NAALADL2: variants seen among roughly 807,000 people sequenced by gnomAD.
The protein encoded by NAALADL2 is N-acetylated alpha-linked acidic dipeptidase like 2, also known as inactive N-acetylated-alpha-linked acidic dipeptidase-like protein 2.
In NAALADL2, 76 loss-of-function variants were observed where a neutral mutation model predicts 87.2. That is an observed-to-expected ratio of 0.87 (90% CI 0.72 to 1.05). The LOEUF (loss-of-function observed/expected upper bound fraction) is 1.05. Among genes scored for constraint, NAALADL2 ranks in the 50% least tolerant of loss-of-function variants. The pLI is 0.00. For synonymous variants in NAALADL2, 354 were observed against 331.0 expected (o/e 1.07, Z -0.75); for missense variants, 1,089 against 945.8 (o/e 1.15, Z -1.99).
intron 1 of NAALADL2, among the ~76,000 whole-genome samples, chr3:174,530,047 T>C (rs1470283122): frequency 6.6e-6 from 1 of 152,170 alleles, no homozygotes; most frequent in Non-Finnish European, 1.5e-5. Context: ...GATTTTCTTT[T>C]CTATCGCATT....
intron 1 of NAALADL2, among the ~76,000 whole-genome samples, chr3:174,521,955 C>T (rs1357760402): frequency 6.6e-6 from 1 of 151,930 alleles, no homozygotes; most frequent in East Asian, 1.9e-4. Context: ...AAAAAATAGC[C>T]AGGCGTGGTG....
chr3:175,743,161 C>A (rs1436948832), intron 12 of NAALADL2, among the ~76,000 whole-genome samples: 2 of 152,100 alleles, frequency 1.3e-5, no homozygotes, highest in African/African-American at 4.8e-5. Context: ...CCACCATGCC[C>A]AGCTAATTTT....
At chr3:175,429,220 C>T (rs1173586440) in intron 5 of NAALADL2, among the ~76,000 whole-genome samples, 1 of 115,282 alleles carries the variant, frequency 8.7e-6, no homozygotes, top group Admixed American at 9.1e-5. Context: ...CATATATATA[C>T]ATATTCCTTC....
chr3:174,485,454 CCT>C (rs1274654184), intron 1 of NAALADL2, among the ~76,000 whole-genome samples: 29 of 151,778 alleles, frequency 1.9e-4, no homozygotes, highest in African/African-American at 6.5e-4. Context: ...CACCCACCCC[CCT>C]CTCTCTGATA....
Position 175,156,196 on chromosome 3 carries a change from C to T in NAALADL2, c.545+58905C>T, listed in dbSNP as rs865850416. Among the ~76,000 whole-genome samples, 7 of 152,064 alleles carry T rather than the reference C, an allele frequency of 4.6e-5. No individual in the cohort carries two copies. The South Asian group carries it at 1.5e-3, about 32-fold the overall frequency. On this transcript the variant is annotated intron_variant, in intron 2 of 13. Coordinates refer to ENST00000454872, the MANE Select transcript of NAALADL2 (RefSeq NM_207015.3). ...GAGGGAGGAACAAATACTTATTCTT[C>T]CATATTTGAAGCTATCCCAGAACCT...
chr3:175,531,807 A>G (rs942615599), intron 9 of NAALADL2, among the ~76,000 whole-genome samples: 3 of 152,214 alleles, frequency 2.0e-5, no homozygotes, highest in Non-Finnish European at 4.4e-5. Flanking sequence ...TAAGCTTACG[A>G]TAATCCACTG....
Position 175,810,274 on chromosome 3 carries a change from G to A in NAALADL2, c.*7071G>A, listed in dbSNP as rs1444668688. 3 of 151,916 alleles carry A rather than the reference G, an allele frequency of 2.0e-5. No individual in the cohort carries two copies. The highest frequency in any genetic ancestry group is 2.1e-4 in the South Asian group (1 of 4,830). The allele number at this position is 151,916 out of a possible 1,614,324, so 9.4% of individuals were successfully genotyped here. ...CACAATTTATTTTATAACTTTTTAT[G>A]TGTTACTTACATGACTCAATATGCA... On this transcript the variant is annotated 3_prime_UTR_variant, in exon 14 of 14. Coordinates refer to ENST00000454872, the MANE Select transcript of NAALADL2 (RefSeq NM_207015.3).
intron 2 of NAALADL2, among the ~76,000 whole-genome samples, chr3:174,692,506 AGTT>A (rs1166016247): frequency 6.6e-6 from 1 of 152,042 alleles, no homozygotes. Context: ...GTAATTTTTC[AGTT>A]GTTATGGTTG....
chr3:175,011,320 G>GAGAGAT (rs1491557704), intron 1 of NAALADL2, among the ~76,000 whole-genome samples: 1 of 141,726 alleles, frequency 7.1e-6, no homozygotes, highest in African/African-American at 2.6e-5. Context: ...GAGAGAGAGA[G>GAGAGAT]ACTAATTCTG....
At chr3:175,068,620 C>A (rs1714988793) in intron 1 of NAALADL2, among the ~76,000 whole-genome samples, 1 of 152,056 alleles carries the variant, frequency 6.6e-6, no homozygotes, top group African/African-American at 2.4e-5. Flanking sequence ...TTAGGTCTTG[C>A]TATCAAGTTC....
Position 174,710,612 on chromosome 3 carries a change from A to G in NAALADL2, c.-114-27029A>G, listed in dbSNP as rs115330168. On this transcript the variant is annotated intron_variant, in intron 2 of 3. Transcript: ENST00000434257. ...CTAGTTGCAGACGAGGAAGTTAGTGATGAGGCACAAGAAAGATTTCAGGCA... is the reference window on the plus strand; with the variant it reads ...CTAGTTGCAGACGAGGAAGTTAGTGGTGAGGCACAAGAAAGATTTCAGGCA... Among the ~76,000 whole-genome samples the G allele has an allele frequency of 5.9e-3, 903 of 152,192 alleles. 11 individuals are homozygous for G. The highest frequency in any genetic ancestry group is 0.021 in the African/African-American group (854 of 41,514).
At chr3:175,508,537 A>G (rs1730669581) in intron 9 of NAALADL2, among the ~76,000 whole-genome samples, 1 of 152,106 alleles carries the variant, frequency 6.6e-6, no homozygotes, top group Admixed American at 6.6e-5. Context: ...TTTATCACCA[A>G]CATTCTACCA....
At chr3:175,762,341 A>G (rs775946019) in intron 13 of NAALADL2, among the ~76,000 whole-genome samples, 24 of 152,060 alleles carry the variant, frequency 1.6e-4, no homozygotes, top group Non-Finnish European at 2.6e-4. Context: ...CCACATTAGA[A>G]TAGCTTTCAA....
chr3:174,717,240 C>G (rs899115440), intron 2 of NAALADL2, among the ~76,000 whole-genome samples: 27 of 152,054 alleles, frequency 1.8e-4, no homozygotes, highest in African/African-American at 6.5e-4. Context: ...TGGTGACTCT[C>G]TATTTTTTTA....
chr3:175,454,152 A>G lies in NAALADL2; in HGVS notation c.1234+6780A>G, dbSNP rs74352971. 9.3e-3 allele frequency among the ~76,000 whole-genome samples: 1,418 copies of G among 152,162 alleles called. 17 individuals are homozygous for G. The highest frequency in any genetic ancestry group is 0.031 in the African/African-American group (1,302 of 41,536). On this transcript the variant is annotated intron_variant, in intron 6 of 13. Coordinates refer to ENST00000454872, the MANE Select transcript of NAALADL2 (RefSeq NM_207015.3). Reference sequence around the variant, plus strand: ...AATCTGATAGTCTTTTAATAGGAGCATTTGGTCCCTTTCATTTAATGTGAT... The same window carrying G: ...AATCTGATAGTCTTTTAATAGGAGCGTTTGGTCCCTTTCATTTAATGTGAT...
chr3:174,530,322 G>A (rs746476577), intron 1 of NAALADL2, among the ~76,000 whole-genome samples: 2 of 152,066 alleles, frequency 1.3e-5, no homozygotes, highest in Non-Finnish European at 2.9e-5. Context: ...GAACACCTTA[G>A]CCTGGATTTC....
chr3:175,273,564 T>C (rs756515815), intron 4 of NAALADL2, among the ~76,000 whole-genome samples: 5 of 152,108 alleles, frequency 3.3e-5, no homozygotes, highest in Non-Finnish European at 5.9e-5. Context: ...TACTAGAAAT[T>C]AAATACTTAA....
At chr3:174,963,177 C>A (rs1368394920) in intron 1 of NAALADL2, among the ~76,000 whole-genome samples, 2 of 152,038 alleles carry the variant, frequency 1.3e-5, no homozygotes, top group Non-Finnish European at 2.9e-5. Context: ...GCTGGAATCA[C>A]TGATACTGAA....
At chr3:175,712,320 C>T (rs926029697) in intron 11 of NAALADL2, among the ~76,000 whole-genome samples, 4 of 151,992 alleles carry the variant, frequency 2.6e-5, no homozygotes, top group African/African-American at 7.2e-5. Flanking sequence ...AATACACTTT[C>T]AATCTTTCAT....
Sources: allele counts gnomAD v4.1 joint callset (sites outside exome capture counted in the v4.1 genomes callset), GRCh38; gene constraint gnomAD v4.1.1; transcripts MANE v1.5; gene names NCBI Gene and HGNC (gene_info 2026-07-23, HGNC 2026-07-21).